Variants in RBFOX1 observed in about 807,000 individuals in gnomAD.
RBFOX1 encodes RNA binding fox-1 homolog 1, also known as RNA binding protein fox-1 homolog 1.
Under a neutral mutation model 57.7 loss-of-function variants are expected in RBFOX1, and 8 were observed. The ratio of observed to expected loss-of-function variants is 0.14; its 90% confidence interval spans 0.08 to 0.25. The LOEUF (loss-of-function observed/expected upper bound fraction) is 0.25, where lower values mean the gene tolerates loss of function less well. RBFOX1 is among the 10% of genes least tolerant of loss of function. RBFOX1 has a pLI of 1.00. For missense variants in RBFOX1, 611 were observed against 548.5 expected (o/e 1.11, Z -1.14); for synonymous variants, 326 against 222.4 (o/e 1.47, Z -4.15).
At chr16:5,355,272 G>C (rs1246520376) in intron 1 of RBFOX1, among the ~76,000 whole-genome samples, 1 of 152,164 alleles carries the variant, frequency 6.6e-6, no homozygotes, top group Non-Finnish European at 1.5e-5. Flanking sequence ...GAGCAGGATA[G>C]TTCAAGGAAG....
chr16:6,339,663 T>C (rs959489832), intron 2 of RBFOX1, among the ~76,000 whole-genome samples: 1 of 151,358 alleles, frequency 6.6e-6, no homozygotes, highest in Non-Finnish European at 1.5e-5. Flanking sequence ...TATTTTATTT[T>C]ATTTTATTTT....
chr16:5,526,607 G>A (rs1466401829), intron 2 of RBFOX1, among the ~76,000 whole-genome samples: 2 of 152,116 alleles, frequency 1.3e-5, no homozygotes, highest in African/African-American at 4.8e-5. Flanking sequence ...CTTTTGTGAT[G>A]CTCAGAGAGG....
intron 1 of RBFOX1, among the ~76,000 whole-genome samples, chr16:5,323,811 G>T (rs1367395891): frequency 6.6e-6 from 1 of 152,220 alleles, no homozygotes; most frequent in African/African-American, 2.4e-5. Context: ...CATCACCAGG[G>T]TTCTGTGCCA....
At position 7,401,332 on chromosome 16, in the gene RBFOX1, A is replaced by C. The variant is rs376283184; in HGVS notation, c.28-116815A>C. On this transcript the variant is annotated intron_variant, in intron 4 of 15. Transcript: ENST00000550418. ...GCATCTGAATTACATTGCTTCTTTC[A>C]AGGAGGTAAACTTTGTTGAGTATTT... 2.0e-4 allele frequency among the ~76,000 whole-genome samples: 30 copies of C among 152,308 alleles called. No homozygotes were observed. In the South Asian group the frequency reaches 6.2e-3, roughly 32 times the overall value.
At chr16:6,055,961 T>C (rs1211247305) in intron 1 of RBFOX1, among the ~76,000 whole-genome samples, 1 of 152,154 alleles carries the variant, frequency 6.6e-6, no homozygotes, top group African/African-American at 2.4e-5. Flanking sequence ...ATATATGAAA[T>C]ATCTCCTAAT....
At chr16:6,815,695 G>A (rs530119974) in intron 3 of RBFOX1, among the ~76,000 whole-genome samples, 2 of 152,036 alleles carry the variant, frequency 1.3e-5, no homozygotes, top group Admixed American at 1.3e-4. Context: ...CTTGTTCAGC[G>A]ACAGAACACA....
At chr16:5,793,594 C>T (rs1466486486) in intron 3 of RBFOX1, among the ~76,000 whole-genome samples, 1 of 152,176 alleles carries the variant, frequency 6.6e-6, no homozygotes, top group Non-Finnish European at 1.5e-5. Context: ...CCTCTCTTCA[C>T]CTCCTCATCT....
chr16:7,471,220 A>G (rs529194341), intron 4 of RBFOX1, among the ~76,000 whole-genome samples: 27 of 152,310 alleles, frequency 1.8e-4, no homozygotes, highest in African/African-American at 5.8e-4. Flanking sequence ...TGTTCATTGC[A>G]TAAAGTTAAC....
chr16:7,416,000 C>T (rs1412362263), intron 4 of RBFOX1, among the ~76,000 whole-genome samples: 2 of 152,146 alleles, frequency 1.3e-5, no homozygotes, highest in Non-Finnish European at 2.9e-5. Context: ...TCCCGAACTT[C>T]ATCTTTGCAG....
intron 4 of RBFOX1, among the ~76,000 whole-genome samples, chr16:7,349,190 G>C (rs2097080021): frequency 6.6e-6 from 1 of 152,134 alleles, no homozygotes; most frequent in South Asian, 2.1e-4. Flanking sequence ...ACTAAAACTT[G>C]GGTTAAAAAT....
intron 3 of RBFOX1, among the ~76,000 whole-genome samples, chr16:6,848,904 T>C (rs2093913546): frequency 6.6e-6 from 1 of 152,174 alleles, no homozygotes; most frequent in Admixed American, 6.5e-5. Context: ...AACGATAGTG[T>C]TGCAAAGAAA....
intron 1 of RBFOX1, among the ~76,000 whole-genome samples, chr16:5,447,808 G>A (rs536295305): frequency 5.3e-4 from 81 of 152,328 alleles, no homozygotes; most frequent in Admixed American, 2.5e-3. Context: ...CCACTGCTCA[G>A]CCTCTTCTGT....
chr16:5,631,556 T>TAAAA (rs1156896003), intron 3 of RBFOX1, among the ~76,000 whole-genome samples: 1 of 139,220 alleles, frequency 7.2e-6, no homozygotes, highest in African/African-American at 2.6e-5. Context: ...ACTCCATATT[T>TAAAA]AAAAAAAAAA....
chr16:6,998,239 G>C (rs1026536466), intron 3 of RBFOX1, among the ~76,000 whole-genome samples: 5 of 152,152 alleles, frequency 3.3e-5, no homozygotes, highest in Non-Finnish European at 7.3e-5. Context: ...TCAAATATTT[G>C]TTGCTAAATA....
chr16:5,436,622 C>G (rs1195904040), intron 1 of RBFOX1, among the ~76,000 whole-genome samples: 1 of 152,148 alleles, frequency 6.6e-6, no homozygotes, highest in Non-Finnish European at 1.5e-5. Context: ...TGGGTCACTT[C>G]AGGTCAGGAG....
At chr16:5,908,503 C>T (rs967097338) in intron 4 of RBFOX1, among the ~76,000 whole-genome samples, 1 of 151,834 alleles carries the variant, frequency 6.6e-6, no homozygotes. Context: ...CAGGTGCCTG[C>T]CACCATGCCC....
chr16:6,953,452 C>T (rs1223565760), intron 3 of RBFOX1, among the ~76,000 whole-genome samples: 1 of 151,948 alleles, frequency 6.6e-6, no homozygotes, highest in Non-Finnish European at 1.5e-5. Flanking sequence ...GTGGTGCAGT[C>T]TCAGCTCACC....
intron 3 of RBFOX1, among the ~76,000 whole-genome samples, chr16:6,679,437 C>T (rs1603374354): frequency 6.6e-6 from 1 of 152,024 alleles, no homozygotes; most frequent in African/African-American, 2.4e-5. Context: ...ATTGCAGTGC[C>T]TCGTTTCTTG....
At chr16:7,014,719 A>C (rs1207870377) in intron 3 of RBFOX1, among the ~76,000 whole-genome samples, 1 of 152,026 alleles carries the variant, frequency 6.6e-6, no homozygotes, top group Non-Finnish European at 1.5e-5. Flanking sequence ...CTAGAAGCCA[A>C]GTTCTTTACC....
Sources: gnomAD v4.1 joint callset for allele counts (sites outside exome capture counted in the v4.1 genomes callset) on GRCh38, gnomAD v4.1.1 for gene constraint, MANE v1.5 for transcripts, NCBI Gene and HGNC (gene_info 2026-07-23, HGNC 2026-07-21) for gene names.